ARHGAP24: variants seen among roughly 807,000 people sequenced by gnomAD.
ARHGAP24 encodes the protein rho GTPase-activating protein 24.
ARHGAP24 carries 50 observed loss-of-function variants against 76.4 expected under a neutral mutation model. The observed-to-expected ratio is 0.65, with a 90% CI of 0.52 to 0.83. The LOEUF (loss-of-function observed/expected upper bound fraction) is 0.83. Among genes scored for constraint, ARHGAP24 ranks in the 40% least tolerant of loss-of-function variants. ARHGAP24 has a pLI of 0.00. For synonymous variants in ARHGAP24, 345 were observed against 323.3 expected, an observed-to-expected ratio of 1.07 and a Z score of -0.72; for missense variants, 930 against 914.2, an observed-to-expected ratio of 1.02 and a Z score of -0.22.
Position 85,621,420 on chromosome 4 carries a change from G to A in ARHGAP24, c.180+50699G>A, listed in dbSNP as rs114659088. 1.5e-3 allele frequency among the ~76,000 whole-genome samples: 233 copies of A among 151,798 alleles called. 1 individual carries two copies. Among genetic ancestry groups the A allele is most frequent in the African/African-American group, 5.5e-3 (227 of 41,404 alleles). On this transcript the variant is annotated intron_variant, in intron 2 of 9. Transcript: ENST00000395184. ...AATGTTCTTTTTTCTTCACTTCTTT[G>A]CCAACATCTGTTATATTTTGACTTT...
At chr4:85,623,833 AT>A (rs1720816441) in intron 2 of ARHGAP24, among the ~76,000 whole-genome samples, 1 of 150,370 alleles carries the variant, frequency 6.7e-6, no homozygotes, top group Non-Finnish European at 1.5e-5. Flanking sequence ...ATTCCTAGGT[AT>A]TTTATTCTCT....
intron 3 of ARHGAP24, among the ~76,000 whole-genome samples, chr4:85,842,920 CTT>C (rs1467608012): frequency 1.3e-5 from 2 of 152,140 alleles, no homozygotes; most frequent in Non-Finnish European, 2.9e-5. Flanking sequence ...GAGACTGAGA[CTT>C]AGCGAGGTCA....
chr4:85,841,787 G>A (rs937265678), intron 3 of ARHGAP24, among the ~76,000 whole-genome samples: 4 of 152,120 alleles, frequency 2.6e-5, no homozygotes, highest in African/African-American at 9.7e-5. Context: ...TACAGACCTA[G>A]GCATCAGCAG....
At chr4:85,815,044 G>A (rs939237527) in intron 3 of ARHGAP24, among the ~76,000 whole-genome samples, 1 of 152,108 alleles carries the variant, frequency 6.6e-6, no homozygotes, top group Non-Finnish European at 1.5e-5. Context: ...GCCATGGCCC[G>A]AGCTCTACAT....
chr4:85,644,350 C>CT (rs1344147330), intron 2 of ARHGAP24, among the ~76,000 whole-genome samples: 2 of 152,016 alleles, frequency 1.3e-5, no homozygotes, highest in Non-Finnish European at 2.9e-5. Context: ...AGATCTAAGT[C>CT]TGTCTTTATT....
intron 2 of ARHGAP24, among the ~76,000 whole-genome samples, chr4:85,648,521 A>G (rs1320627805): frequency 6.6e-6 from 1 of 152,060 alleles, no homozygotes; most frequent in African/African-American, 2.4e-5. Flanking sequence ...AGTTTTGGAA[A>G]CAGATACATG....
chr4:85,620,311 T>C (rs1720674256), intron 2 of ARHGAP24, among the ~76,000 whole-genome samples: 1 of 152,030 alleles, frequency 6.6e-6, no homozygotes, highest in Admixed American at 6.6e-5. Flanking sequence ...AAGAATTTAT[T>C]ACTGATTAAA....
chr4:85,864,975 A>G (rs575571482), intron 3 of ARHGAP24, among the ~76,000 whole-genome samples: 74 of 152,212 alleles, frequency 4.9e-4, no homozygotes, highest in Non-Finnish European at 2.1e-4. Context: ...TAAGTTCCAT[A>G]TGTCTCATTC....
intron 2 of ARHGAP24, among the ~76,000 whole-genome samples, chr4:85,636,420 A>G (rs1721309187): frequency 6.6e-6 from 1 of 151,132 alleles, no homozygotes; most frequent in African/African-American, 2.5e-5. Flanking sequence ...TTTGAATTCA[A>G]AGTACCTAAC....
intron 3 of ARHGAP24, among the ~76,000 whole-genome samples, chr4:85,826,264 A>G (rs1054188866): frequency 2.6e-5 from 4 of 152,212 alleles, no homozygotes; most frequent in Non-Finnish European, 4.4e-5. Context: ...GGCATTCCAT[A>G]GCTAACCTTT....
intron 3 of ARHGAP24, among the ~76,000 whole-genome samples, chr4:85,902,554 G>T (rs999367830): frequency 1.3e-5 from 2 of 152,142 alleles, no homozygotes; most frequent in Non-Finnish European, 2.9e-5. Flanking sequence ...TGGTAATCAT[G>T]GCCTGTCATT....
chr4:86,000,080 C>CTTTTTTTTTT (rs35831725), intron 9 of ARHGAP24: 4 of 143,348 alleles, frequency 2.8e-5, no homozygotes, highest in African/African-American at 5.4e-5. Context: ...TTATTGCCCT[C>CTTTTTTTTTT]TTTTTTTTTT....
At chr4:85,923,145 GT>G (rs2148811375) in intron 3 of ARHGAP24, among the ~76,000 whole-genome samples, 1 of 152,112 alleles carries the variant, frequency 6.6e-6, no homozygotes, top group East Asian at 1.9e-4. Flanking sequence ...GAACCTCTGG[GT>G]CAAAGGCATT....
chr4:85,534,669 C>T lies in ARHGAP24; in HGVS notation c.-20-35853C>T, dbSNP rs1578014803. On this transcript the variant is annotated intron_variant, in intron 1 of 9. Transcript: ENST00000395184. ...GAAATAGAGGGTAGCAAGCTAGTCCCCACATTGCCATATTGTTCTAATTCT... is the reference window on the plus strand; with the variant it reads ...GAAATAGAGGGTAGCAAGCTAGTCCTCACATTGCCATATTGTTCTAATTCT... Among the ~76,000 whole-genome samples the T allele has an allele frequency of 5.3e-5, 8 of 152,228 alleles. No individual in the cohort carries two copies. In the South Asian group the frequency reaches 1.7e-3, roughly 32 times the overall value.
intron 1 of ARHGAP24, among the ~76,000 whole-genome samples, chr4:85,497,956 C>G (rs755699615): frequency 4.6e-5 from 7 of 152,218 alleles, no homozygotes; most frequent in Non-Finnish European, 1.0e-4. Flanking sequence ...GTTCAATTTC[C>G]TTCTCCAACT....
intron 2 of ARHGAP24, among the ~76,000 whole-genome samples, chr4:85,674,965 G>A (rs1165518366): frequency 1.3e-5 from 2 of 152,162 alleles, no homozygotes; most frequent in East Asian, 1.9e-4. Flanking sequence ...CAAGCATGGG[G>A]CAGCTGTAAC....
At chr4:85,647,245 T>A (rs945630379) in intron 2 of ARHGAP24, among the ~76,000 whole-genome samples, 1 of 152,142 alleles carries the variant, frequency 6.6e-6, no homozygotes, top group African/African-American at 2.4e-5. Flanking sequence ...GTAGTCATAG[T>A]TGTATTTTAT....
At chr4:85,702,617 A>G (rs1426315101) in intron 2 of ARHGAP24, among the ~76,000 whole-genome samples, 1 of 152,210 alleles carries the variant, frequency 6.6e-6, no homozygotes, top group Non-Finnish European at 1.5e-5. Context: ...ACTTTTTTAC[A>G]CAAATTGTCA....
chr4:85,541,105 A>G (rs989392653), intron 1 of ARHGAP24, among the ~76,000 whole-genome samples: 6 of 127,602 alleles, frequency 4.7e-5, no homozygotes, highest in Non-Finnish European at 9.6e-5. Context: ...TCCGTTTTTG[A>G]CCCAGGAGTC....
Sources: gnomAD v4.1 joint callset for allele counts (sites outside exome capture counted in the v4.1 genomes callset) on GRCh38, gnomAD v4.1.1 for gene constraint, MANE v1.5 for transcripts, NCBI Gene and HGNC (gene_info 2026-07-23, HGNC 2026-07-21) for gene names.